The following PSG7 variants were observed in gnomAD, a reference collection of about 807,000 sequenced individuals.
PSG7 encodes the protein pregnancy-specific beta-1-glycoprotein 7.
A neutral mutation model predicts 45.6 loss-of-function variants in PSG7; 57 were observed. The observed-to-expected ratio is 1.25, with a 90% CI of 1.01 to 1.56. The LOEUF is 1.56. Ranked by LOEUF, PSG7 falls within the 40% of genes most tolerant of loss-of-function variation. The probability of loss-of-function intolerance (pLI) is 0.00; values close to 1 mark genes in which losing one functional copy is unlikely to be tolerated. For missense variants in PSG7, 796 were observed against 508.4 expected, an observed-to-expected ratio of 1.57 and a Z score of -5.44; for synonymous variants, 298 against 194.4, an observed-to-expected ratio of 1.53 and a Z score of -4.43.
intron 2 of PSG7, among the ~76,000 whole-genome samples, chr19:42,934,330 T>C (rs2122696757): frequency 6.6e-6 from 1 of 151,464 alleles, no homozygotes; most frequent in East Asian, 1.9e-4. Context: ...AAGAGAGGAT[T>C]TGAGCCAATA....
chr19:42,925,896 G>C lies in PSG7; in HGVS notation c.1120C>G (p.Leu374Val), dbSNP rs1317160164. ...GGGATAGAAAGCTTTTGTCCTGATA[G>C]CTGAAACTTCCCATTAATTGTCCAA... ...YSWTINGKFQ[L>V]SGQKLSIPQI... is the part of the protein sequence containing the mutation. Residue 374 changes from leucine (L) to valine (V), a missense_variant, in exon 5 of 6, where the codon CTA becomes GTA. By Grantham distance (32) the Leu-to-Val change is conservative (BLOSUM62 1). Coordinates refer to ENST00000406070, the MANE Select transcript of PSG7 (RefSeq NM_002783.3). 2.5e-5 allele frequency: 40 copies of C among 1,612,180 alleles called. 1 individual carries two copies. The highest frequency in any genetic ancestry group is 3.2e-5 in the Non-Finnish European group (38 of 1,179,150).
At chr19:42,934,404 G>A (rs1306613843) in intron 2 of PSG7, among the ~76,000 whole-genome samples, 1 of 151,450 alleles carries the variant, frequency 6.6e-6, no homozygotes, top group African/African-American at 2.4e-5. Flanking sequence ...GGATGGGCCT[G>A]TGGCTGCAGA....
chr19:42,929,613 A>G lies in PSG7; in HGVS notation c.538T>C (p.Trp180Arg). The change falls in exon 3 of 6, where the codon TGG (tryptophan) becomes CGG (arginine). Residue 180 changes from tryptophan (W) to arginine (R), a missense_variant. Transcript: ENST00000406070. ...DPETPDASYL[W>R]WMNGQSLPMT... is the part of the protein sequence containing the mutation. Reference sequence around the variant, plus strand: ...GGGAGGCTCTGACCATTCATCCACCACAGGTAGCTTGCATCTGGAGTCTCA... The same window carrying G: ...GGGAGGCTCTGACCATTCATCCACCGCAGGTAGCTTGCATCTGGAGTCTCA... 6.8e-6 allele frequency: 11 copies of G among 1,612,552 alleles called. 2 individuals carry two copies. Among genetic ancestry groups the G allele is most frequent in the Non-Finnish European group, 7.6e-6 (9 of 1,179,230 alleles).
rs567763345 is a variant in PSG7, at chr19:42,925,532, T to C, written c.1243+241A>G. On this transcript the variant is annotated intron_variant, in intron 5 of 5. Coordinates refer to ENST00000406070, the MANE Select transcript of PSG7 (RefSeq NM_002783.3). Reference sequence around the variant, plus strand: ...ACATTATCCTCATTATTATCAATTATTTCAATGAAATCAATGTTTTTCCTG... The same window carrying C: ...ACATTATCCTCATTATTATCAATTACTTCAATGAAATCAATGTTTTTCCTG... 25 of 1,067,392 alleles carry C rather than the reference T, an allele frequency of 2.3e-5. 2 individuals are homozygous for C. In the African/African-American group the frequency reaches 3.0e-4, roughly 13 times the overall value. The allele number at this position is 1,067,392 out of a possible 1,614,324, so 66.1% of individuals were successfully genotyped here. A position where few individuals can be genotyped will look rare whatever the true frequency, so the allele number is the denominator to read the frequency against.
chr19:42,926,978 T>G, intron 3 of PSG7: 1 of 652,890 alleles, frequency 1.5e-6, no homozygotes, highest in Middle Eastern at 4.3e-4. Context: ...GACATGTCAG[T>G]GGGAGTCACA....
chr19:42,935,746 G>T lies in PSG7; in HGVS notation c.88C>A (p.Pro30Thr), dbSNP rs782486798. 2.5e-6 allele frequency: 4 copies of T among 1,610,818 alleles called. No individual in the cohort carries two copies. Among genetic ancestry groups the T allele is most frequent in the South Asian group, 2.2e-5 (2 of 90,634 alleles). ...LTASLLNFWN[P>T]PTTAQVTIEA... The stretch of plus-strand genomic sequence containing the variant: ...ATCGTGACTTGGGCTGTGGTGGGCG[G>T]GTTCCAGAAGTTTAAAAGTGATGCT... Residue 30 changes from proline to threonine, a missense_variant, in exon 2 of 6, where the codon CCG becomes ACG. Pro to Thr is a conservative substitution (Grantham distance 38, BLOSUM62 -1). Transcript: ENST00000406070.
In PSG7 at chr19:42,935,632, A is replaced by G; in HGVS notation, c.202T>C (p.Tyr68His). The G allele has an allele frequency of 3.1e-6, 5 of 1,612,092 alleles. No homozygotes were observed. The highest frequency in any genetic ancestry group is 1.1e-5 in the South Asian group (1 of 90,806). Residue 68 changes from tyrosine to histidine, a missense_variant, in exon 2 of 6, where the codon TAC becomes CAC. Physicochemically the swap from Tyr to His is moderately conservative, Grantham distance 83. Transcript: ENST00000406070. ...TAGAGGTCCCTGATTTGTCCTTTGT[A>G]CCAGATGTAGCCAGTAAGATTCTGG... ...LPQNLTGYIWYKGQIRDLYHY... is the reference protein window; with the variant it reads ...LPQNLTGYIWHKGQIRDLYHY...
intron 3 of PSG7, 61 bp from the exon 4 acceptor site, chr19:42,926,777 C>T (rs1192357646): frequency 6.3e-7 from 1 of 1,591,198 alleles, no homozygotes; most frequent in South Asian, 1.1e-5. Context: ...CCACAGGCAT[C>T]CTTCAATTAG....
At position 42,924,209 on chromosome 19, in the gene PSG7, G is replaced by T. The variant is rs1972476773; in HGVS notation, c.*599C>A. On this transcript the variant is annotated 3_prime_UTR_variant, in exon 6 of 6. Transcript: ENST00000406070. ...TTTTACAATGTATCTCTTAGGAAAT[G>T]GTGAGAGCCATCCACACAATGTGCA... 5.1e-6 allele frequency: 1 copy of T among 196,508 alleles called. No individual in the cohort carries two copies. The highest frequency in any genetic ancestry group is 1.8e-4 in the South Asian group (1 of 5,588). The allele number at this position is 196,508 out of a possible 1,614,324, so 12.2% of individuals were successfully genotyped here.
At chr19:42,932,358 G>T (rs1600569806) in intron 2 of PSG7, among the ~76,000 whole-genome samples, 1 of 151,516 alleles carries the variant, frequency 6.6e-6, no homozygotes, top group African/African-American at 2.4e-5. Context: ...TTTTGAGTTT[G>T]TTCAGCGTTT....
chr19:42,926,439 G>A lies in PSG7; in HGVS notation c.987C>T (p.Leu329=). The change falls in exon 4 of 6, where the codon CTC becomes CTT. Residue 329 remains leucine, a splice_region_variant and synonymous_variant. Transcript: ENST00000406070. ...GAAAGGATACTCAAGGATACTCACA[G>A]AGGACATTCAGGGTGACTGGGTCAC... ...IRSDPVTLNV[L]YGPDLPRIYP... 6.2e-7 allele frequency: 1 copy of A among 1,611,524 alleles called. No individual in the cohort carries two copies. Among genetic ancestry groups the A allele is most frequent in the South Asian group, 1.1e-5 (1 of 90,580 alleles).
intron 2 of PSG7, among the ~76,000 whole-genome samples, chr19:42,930,267 G>T (rs1301296541): frequency 2.0e-5 from 3 of 151,642 alleles, no homozygotes; most frequent in African/African-American, 7.3e-5. Flanking sequence ...GTCAAGCCTG[G>T]AGGTCAGTTC....
rs782536578 is a variant in PSG7 at position 42,935,639 on chromosome 19, G to A, written c.195C>T (p.Tyr65=). 1.1e-5 allele frequency: 18 copies of A among 1,612,140 alleles called. 1 individual carries two copies. The highest frequency in any genetic ancestry group is 1.5e-5 in the Non-Finnish European group (18 of 1,179,128). ...CCCTGATTTGTCCTTTGTACCAGAT[G>A]TAGCCAGTAAGATTCTGGGGCAAAT... ...VHNLPQNLTG[Y]IWYKGQIRDL... The change falls in exon 2 of 6, where the codon TAC becomes TAT. Residue 65 remains tyrosine, a synonymous_variant. Transcript: ENST00000406070.
chr19:42,935,582 T>C lies in PSG7; in HGVS notation c.252A>G (p.Val84=). The part of the protein sequence containing the change: ...DLYHYVTSYI[V]DGQIIKYGPA... ...GCCCATATTTAATTATTTGACCGTC[T>C]ACTATATATGATGTAACATAATGGT... is the stretch of plus-strand genomic sequence containing the variant. The change falls in exon 2 of 6, where the codon GTA becomes GTG. Residue 84 remains valine, a synonymous_variant. Transcript: ENST00000406070. 6.2e-7 allele frequency: 1 copy of C among 1,612,176 alleles called. No individual in the cohort carries two copies. Among genetic ancestry groups the C allele is most frequent in the Non-Finnish European group, 8.5e-7 (1 of 1,179,100 alleles).
intron 2 of PSG7, among the ~76,000 whole-genome samples, chr19:42,931,213 A>G (rs1973012410): frequency 6.6e-6 from 1 of 151,582 alleles, no homozygotes; most frequent in Admixed American, 6.6e-5. Context: ...ATTAGTGGAA[A>G]TTTTTACTGA....
chr19:42,934,605 A>G (rs919355496), intron 2 of PSG7, among the ~76,000 whole-genome samples: 2 of 151,738 alleles, frequency 1.3e-5, no homozygotes, highest in Non-Finnish European at 2.9e-5. Context: ...CACTGTGGAA[A>G]TGTTCACCAA....
chr19:42,931,864 T>C (rs1365747543), intron 2 of PSG7, among the ~76,000 whole-genome samples: 1 of 150,616 alleles, frequency 6.6e-6, no homozygotes, highest in Non-Finnish European at 1.5e-5. Context: ...AAATACTAAA[T>C]ATGAAGTTGA....
rs1178906306 is a variant in PSG7, at chr19:42,929,792, A to G, written c.431-72T>C. ...TCCTCCAAAGGCATTTTTCAATCAGAGTTGGCATTTCCAACCTCTCAGCCC... is the reference window on the plus strand; with the variant it reads ...TCCTCCAAAGGCATTTTTCAATCAGGGTTGGCATTTCCAACCTCTCAGCCC... On this transcript the variant is annotated intron_variant, in intron 2 of 5. Coordinates refer to ENST00000406070, the MANE Select transcript of PSG7 (RefSeq NM_002783.3). 2.1e-5 allele frequency: 32 copies of G among 1,550,488 alleles called. 1 individual carries two copies. The highest frequency in any genetic ancestry group is 2.7e-5 in the Non-Finnish European group (31 of 1,145,942).
chr19:42,924,403 G>C lies in PSG7; in HGVS notation c.*405C>G. ...ATGTTATGTAAAAGTCTGAGGTTGA[G>C]ATGACATATCTGACACTCTGTTGTT... On this transcript the variant is annotated 3_prime_UTR_variant, in exon 6 of 6. Coordinates refer to ENST00000406070, the MANE Select transcript of PSG7 (RefSeq NM_002783.3). 2.2e-6 allele frequency: 1 copy of C among 451,368 alleles called. No homozygotes were observed. Among genetic ancestry groups the C allele is most frequent in the South Asian group, 7.7e-5 (1 of 13,008 alleles). The allele number at this position is 451,368 out of a possible 1,614,324, so 28.0% of individuals were successfully genotyped here. A position where few individuals can be genotyped will look rare whatever the true frequency, so the allele number is the denominator to read the frequency against.
Sources: gnomAD v4.1 joint callset for allele counts (sites outside exome capture counted in the v4.1 genomes callset) on GRCh38, gnomAD v4.1.1 for gene constraint, MANE v1.5 for transcripts, NCBI Gene and HGNC (gene_info 2026-07-23, HGNC 2026-07-21) for gene names.